Variants in CEP83 observed in about 807,000 individuals in gnomAD.
The protein encoded by CEP83 is centrosomal protein 83.
A neutral mutation model predicts 101.9 loss-of-function variants in CEP83; 70 were observed. The ratio of observed to expected loss-of-function variants is 0.69; its 90% CI spans 0.57 to 0.84. The LOEUF is 0.84. CEP83 is among the 40% of genes least tolerant of loss of function. The pLI, the probability that CEP83 is intolerant of heterozygous loss-of-function variation, is 0.00. For synonymous variants in CEP83, 264 were observed against 267.9 expected (o/e 0.99, Z 0.14); for missense variants, 715 against 787.2 (o/e 0.91, Z 1.10).
intron 4 of CEP83, among the ~76,000 whole-genome samples, chr12:94,404,288 G>A (rs1333771123): frequency 6.6e-6 from 1 of 152,056 alleles, no homozygotes; most frequent in Non-Finnish European, 1.5e-5. Flanking sequence ...GTAAAAAAGA[G>A]AAAACACATT....
Position 94,310,062 on chromosome 12 carries a change from T to C in CEP83, c.1857A>G (p.Leu619=), listed in dbSNP as rs75153207. The change falls in exon 16 of 17, where the codon CTA becomes CTG. Residue 619 remains leucine (L), a synonymous_variant. Coordinates refer to ENST00000397809, the MANE Select transcript of CEP83 (RefSeq NM_016122.3). ...FEDYTRLQKR[L]KDIQRRHNEF... ...CATTATGTCTTCTCTGTATATCTTT[T>C]AGTCTTTTTTGAAGCCTTGTATAGT... The C allele has an allele frequency of 2.5e-6, 4 of 1,604,834 alleles. No homozygotes were observed. Among genetic ancestry groups the C allele is most frequent in the East Asian group, 4.5e-5 (2 of 44,768 alleles).
chr12:94,422,814 T>C (rs1291070131), intron 2 of CEP83, among the ~76,000 whole-genome samples: 1 of 152,250 alleles, frequency 6.6e-6, no homozygotes, highest in Non-Finnish European at 1.5e-5. Context: ...AAATAGCATT[T>C]CATCATTTAA....
At chr12:94,273,407 T>C in the CEP83 span, among the ~76,000 whole-genome samples, 1 of 152,086 alleles carries the variant, frequency 6.6e-6, no homozygotes, top group Non-Finnish European at 1.5e-5. Flanking sequence ...AGCTTCCTGC[T>C]CACCAGTCTA....
chr12:94,338,677 G>A (rs2059552277), intron 11 of CEP83, among the ~76,000 whole-genome samples: 1 of 152,144 alleles, frequency 6.6e-6, no homozygotes, highest in African/African-American at 2.4e-5. Flanking sequence ...TAGGTGATAG[G>A]GAGAAATCAG....
In CEP83 at chr12:94,402,716, T is replaced by C. The variant is rs187985028; in HGVS notation, c.417+454A>G. On this transcript the variant is annotated intron_variant, in intron 5 of 16. Transcript: ENST00000397809. ...GGAGTTCAAAACCAGCTGGCCAATA[T>C]GGTGAAACCCCGTTTCTACTAAAAA... The C allele has an allele frequency of 4.0e-3, 608 of 152,650 alleles. 18 individuals carry two copies. The highest frequency in any genetic ancestry group is 0.037 in the Admixed American group (559 of 15,278). 9.5% of individuals were successfully genotyped at this position (152,650 alleles called of 1,614,324 possible).
chr12:94,308,932 G>C lies in CEP83; in HGVS notation c.2002-15C>G, dbSNP rs766268779. The C allele has an allele frequency of 6.4e-7, 1 of 1,561,510 alleles. No homozygotes were observed. Among genetic ancestry groups the C allele is most frequent in the South Asian group, 1.1e-5 (1 of 89,730 alleles). Reference sequence around the variant, plus strand: ...TGTTGTTCCTCCTTAAAATGATGTAGAGAAAGCATAGCAAAAGAAACTATT... The same window carrying C: ...TGTTGTTCCTCCTTAAAATGATGTACAGAAAGCATAGCAAAAGAAACTATT... On this transcript the variant is annotated splice_polypyrimidine_tract_variant and intron_variant, in intron 16 of 16. Coordinates refer to ENST00000397809, the MANE Select transcript of CEP83 (RefSeq NM_016122.3).
chr12:94,380,014 G>A (rs888034751), intron 6 of CEP83, among the ~76,000 whole-genome samples: 4 of 142,910 alleles, frequency 2.8e-5, no homozygotes, highest in Non-Finnish European at 4.5e-5. Context: ...AACAGGACAA[G>A]AGGTTGTTTG....
At chr12:94,370,129 G>T in intron 8 of CEP83, 93 bp from the exon 9 acceptor site, 1 of 719,378 alleles carries the variant, frequency 1.4e-6, no homozygotes. Flanking sequence ...AAAACGCTCT[G>T]GTAGTAAAGT....
chr12:94,272,641 C>G, the CEP83 span, among the ~76,000 whole-genome samples: 1 of 152,188 alleles, frequency 6.6e-6, no homozygotes, highest in Admixed American at 6.5e-5. Flanking sequence ...CATGGTGGCT[C>G]ACACCTGTAA....
the CEP83 span, among the ~76,000 whole-genome samples, chr12:94,274,091 T>A: frequency 8.0e-6 from 1 of 125,090 alleles, no homozygotes; most frequent in African/African-American, 3.1e-5. Context: ...GAAGCCAAGG[T>A]GGGAGGATCA....
the CEP83 span, among the ~76,000 whole-genome samples, chr12:94,274,754 G>A: frequency 1.3e-5 from 2 of 152,158 alleles, no homozygotes; most frequent in East Asian, 1.9e-4. Flanking sequence ...TTAAGAACAC[G>A]GAGCTTGAGT....
intron 2 of CEP83, among the ~76,000 whole-genome samples, chr12:94,416,792 C>G (rs111888874): frequency 6.6e-6 from 1 of 152,038 alleles, no homozygotes; most frequent in African/African-American, 2.4e-5. Context: ...TTTCACCCCC[C>G]ACCAAGAGTA....
chr12:94,300,903 T>C, the CEP83 span: 1 of 1,609,040 alleles, frequency 6.2e-7, no homozygotes, highest in Non-Finnish European at 8.5e-7. Context: ...ATTCTCTCTT[T>C]GAACAGCCTT....
chr12:94,381,417 C>T (rs2061842354), intron 6 of CEP83, among the ~76,000 whole-genome samples: 1 of 152,134 alleles, frequency 6.6e-6, no homozygotes, highest in Admixed American at 6.6e-5. Flanking sequence ...ACTTACTTGA[C>T]AGATAAGACA....
the CEP83 span, chr12:94,301,141 C>A: frequency 1.6e-6 from 2 of 1,274,534 alleles, no homozygotes; most frequent in Non-Finnish European, 2.2e-6. Context: ...AAATAATAAA[C>A]AATTGGTCTA....
intron 6 of CEP83, among the ~76,000 whole-genome samples, chr12:94,392,589 C>T (rs1389598421): frequency 6.6e-6 from 1 of 152,012 alleles, no homozygotes; most frequent in African/African-American, 2.4e-5. Flanking sequence ...ACTAGAGAAG[C>T]AAGAGCAAAC....
chr12:94,440,330 C>T (rs80354559), intron 1 of CEP83, among the ~76,000 whole-genome samples: 5,576 of 152,150 alleles, frequency 0.037, 303 homozygotes, highest in African/African-American at 0.12. Flanking sequence ...TAAATGAATT[C>T]GGCAAAGTTT....
chr12:94,272,176 A>G, the CEP83 span: 3 of 152,072 alleles, frequency 2.0e-5, no homozygotes, highest in African/African-American at 4.8e-5. Flanking sequence ...TCCCAAATCA[A>G]TCAGGATGCA....
chr12:94,408,718 T>C (rs773691543), intron 4 of CEP83, among the ~76,000 whole-genome samples: 18 of 152,158 alleles, frequency 1.2e-4, no homozygotes, highest in Non-Finnish European at 2.5e-4. Context: ...TAGCTGGGAC[T>C]ACAGGTGCAT....
Sources: allele counts gnomAD v4.1 joint callset (sites outside exome capture counted in the v4.1 genomes callset), GRCh38; gene constraint gnomAD v4.1.1; transcripts MANE v1.5; gene names NCBI Gene and HGNC (gene_info 2026-07-23, HGNC 2026-07-21).